IGF1R: variants seen among roughly 807,000 people sequenced by gnomAD.
IGF1R encodes the protein insulin-like growth factor 1 receptor.
A neutral mutation model predicts 144.6 loss-of-function variants in IGF1R; 44 were observed. That is an observed-to-expected ratio of 0.30 (90% CI 0.24 to 0.39). IGF1R has a LOEUF of 0.39. IGF1R is among the 10% of genes least tolerant of loss of function. The pLI, the probability that IGF1R is intolerant of heterozygous loss-of-function variation, is 1.00. For synonymous variants in IGF1R, 795 were observed against 722.8 expected (o/e 1.10, Z -1.60); for missense variants, 1,355 against 1,833.7 (o/e 0.74, Z 4.77).
intron 2 of IGF1R, among the ~76,000 whole-genome samples, chr15:98,854,625 T>C: frequency 6.6e-6 from 1 of 152,182 alleles, no homozygotes; most frequent in African/African-American, 2.4e-5. Flanking sequence ...GCCAACAGCC[T>C]CTAAGTGCCA....
At chr15:98,946,903 T>G (rs2016575340) in intron 19 of IGF1R, among the ~76,000 whole-genome samples, 1 of 152,240 alleles carries the variant, frequency 6.6e-6, no homozygotes, top group South Asian at 2.1e-4. Flanking sequence ...CAGCCTGCAG[T>G]CAGCAAAAGC....
intron 2 of IGF1R, among the ~76,000 whole-genome samples, chr15:98,767,988 A>AG (rs1394190222): frequency 3.9e-5 from 6 of 152,324 alleles, no homozygotes; most frequent in African/African-American, 1.4e-4. Context: ...TGCAGACCAT[A>AG]GCTGAGTGGT....
intron 10 of IGF1R, among the ~76,000 whole-genome samples, chr15:98,917,916 A>C (rs2015320676): frequency 1.3e-5 from 2 of 152,236 alleles, no homozygotes. Context: ...ATAGATAATG[A>C]TGATAGCTGT....
At chr15:98,956,351 G>A (rs769934236) in intron 20 of IGF1R, among the ~76,000 whole-genome samples, 1 of 152,234 alleles carries the variant, frequency 6.6e-6, no homozygotes, top group Admixed American at 6.5e-5. Context: ...TTGCTGGCTT[G>A]TTGGAATCTG....
intron 2 of IGF1R, among the ~76,000 whole-genome samples, chr15:98,863,666 A>C (rs779799434): frequency 7.2e-5 from 11 of 152,250 alleles, no homozygotes; most frequent in Non-Finnish European, 1.6e-4. Context: ...GAAATCCCAC[A>C]TATGAATGTT....
At chr15:98,662,568 GA>G (rs2052625570) in intron 1 of IGF1R, among the ~76,000 whole-genome samples, 1 of 151,786 alleles carries the variant, frequency 6.6e-6, no homozygotes, top group Non-Finnish European at 1.5e-5. Context: ...GAAAGAATAT[GA>G]TTTTTTTTTT....
At chr15:98,934,053 C>T (rs1483633002) in intron 15 of IGF1R, among the ~76,000 whole-genome samples, 2 of 151,956 alleles carry the variant, frequency 1.3e-5, no homozygotes, top group Non-Finnish European at 2.9e-5. Flanking sequence ...TTCGTGTAAC[C>T]CAGTATATCC....
intron 20 of IGF1R, among the ~76,000 whole-genome samples, chr15:98,949,084 C>T (rs2715439): frequency 0.59 from 89,752 of 152,020 alleles, 26,707 homozygotes; most frequent in East Asian, 0.74. Context: ...ACTCTGAAGT[C>T]GAATTCAAGA....
chr15:98,654,502 A>C (rs1397356895), intron 1 of IGF1R, among the ~76,000 whole-genome samples: 1 of 152,230 alleles, frequency 6.6e-6, no homozygotes, highest in Non-Finnish European at 1.5e-5. Context: ...TTTGTAAATA[A>C]CTTGGTGTTT....
chr15:98,657,205 T>G (rs1343281325), intron 1 of IGF1R, among the ~76,000 whole-genome samples: 1 of 152,238 alleles, frequency 6.6e-6, no homozygotes, highest in African/African-American at 2.4e-5. Context: ...AGAACAGAAG[T>G]CTAATGGTAA....
rs558363796 is a variant in IGF1R, at chr15:98,847,985, A to G, written c.641-43340A>G. Among the ~76,000 whole-genome samples, 153 of 152,268 alleles carry G rather than the reference A, an allele frequency of 1.0e-3. 1 individual carries two copies. Among genetic ancestry groups the G allele is most frequent in the African/African-American group, 3.6e-3 (149 of 41,564 alleles). ...ATGGATATAACCGGGCCCTGGGACC[A>G]TTGCTGGGCTCAGTTACTGGCCAGG... On this transcript the variant is annotated intron_variant, in intron 2 of 20. Transcript: ENST00000650285.
At chr15:98,689,791 C>T (rs558893324) in intron 1 of IGF1R, among the ~76,000 whole-genome samples, 9 of 152,194 alleles carry the variant, frequency 5.9e-5, no homozygotes, top group African/African-American at 2.2e-4. Context: ...AGATCCTGTC[C>T]GATGGAGAGA....
Position 98,916,936 on chromosome 15 carries a change from C to A in IGF1R, c.2201+60C>A, listed in dbSNP as rs560608535. 116 of 1,414,170 alleles carry A rather than the reference C, an allele frequency of 8.2e-5. No homozygotes were observed. In the African/African-American group the frequency reaches 1.2e-3, roughly 15 times the overall value. 87.6% of individuals were successfully genotyped at this position (1,414,170 alleles called of 1,614,324 possible). A position where few individuals can be genotyped will look rare whatever the true frequency, so the allele number is the denominator to read the frequency against. On this transcript the variant is annotated intron_variant, in intron 10 of 20. Transcript: ENST00000650285. ...CCCACTGCTCAGGCCGGTTCTGTTG[C>A]CTTTCTCCCCACCAGGTAGTGTGTA...
rs1286004356 is a variant in IGF1R, at chr15:98,648,830, G to A, written c.-752G>A. On this transcript the variant is annotated 5_prime_UTR_variant, in exon 1 of 21. Coordinates refer to ENST00000650285, the MANE Select transcript of IGF1R (RefSeq NM_000875.5). ...CGGCTGTGACCTTCAGCGAGCCGGA[G>A]CCCCCGCGCAGAGCAGGCGGCGGCG... 1.7e-4 allele frequency: 26 copies of A among 153,498 alleles called. No homozygotes were observed. The South Asian group carries it at 4.4e-3, about 26-fold the overall frequency. 9.5% of individuals were successfully genotyped at this position (153,498 alleles called of 1,614,324 possible). A position where few individuals can be genotyped will look rare whatever the true frequency, so the allele number is the denominator to read the frequency against.
chr15:98,715,669 A>C (rs1284591497), intron 2 of IGF1R, among the ~76,000 whole-genome samples: 1 of 152,108 alleles, frequency 6.6e-6, no homozygotes, highest in African/African-American at 2.4e-5. Flanking sequence ...GGTGGTTCAA[A>C]AGTTAAGTTT....
intron 15 of IGF1R, among the ~76,000 whole-genome samples, chr15:98,934,594 A>G (rs1243641586): frequency 2.6e-5 from 4 of 152,154 alleles, no homozygotes; most frequent in South Asian, 2.1e-4. Context: ...AGTATCCTCA[A>G]ATTATCTTGA....
chr15:98,727,789 GT>G (rs1447205937), intron 2 of IGF1R, among the ~76,000 whole-genome samples: 1 of 152,188 alleles, frequency 6.6e-6, no homozygotes, highest in Non-Finnish European at 1.5e-5. Context: ...TAGTCACTGT[GT>G]GGCGGCGGCA....
chr15:98,911,534 A>AG (rs1158759890), intron 7 of IGF1R, 93 bp downstream of exon 7: 3 of 1,554,822 alleles, frequency 1.9e-6, no homozygotes, highest in East Asian at 2.2e-5. Flanking sequence ...GGCTGAATAC[A>AG]GGGGGTCAGC....
At position 98,721,237 on chromosome 15, in the gene IGF1R, T is replaced by G. The variant is rs572142049; in HGVS notation, c.640+13130T>G. Among the ~76,000 whole-genome samples the G allele has an allele frequency of 1.1e-4, 16 of 152,360 alleles. No individual in the cohort carries two copies. In the South Asian group the frequency reaches 2.7e-3, roughly 26 times the overall value. On this transcript the variant is annotated intron_variant, in intron 2 of 20. Transcript: ENST00000650285. Reference sequence around the variant, plus strand: ...GGTTGCTTTTGTGCTCATCCATTGCTGGGTTATTTGGTCAGTGATGATGGT... The same window carrying G: ...GGTTGCTTTTGTGCTCATCCATTGCGGGGTTATTTGGTCAGTGATGATGGT...
Sources: gnomAD v4.1 joint callset for allele counts (sites outside exome capture counted in the v4.1 genomes callset) on GRCh38, gnomAD v4.1.1 for gene constraint, MANE v1.5 for transcripts, NCBI Gene and HGNC (gene_info 2026-07-23, HGNC 2026-07-21) for gene names.